The following BICRAL variants were observed in gnomAD, a reference collection of about 807,000 sequenced individuals.
BICRAL encodes BICRA like chromatin remodeling complex associated protein.
In BICRAL, 8 loss-of-function variants were observed where a neutral mutation model predicts 91.8. That is an observed-to-expected ratio of 0.09 (90% CI 0.05 to 0.16). The LOEUF (loss-of-function observed/expected upper bound fraction) is 0.16, where lower values mean the gene tolerates loss of function less well. Among genes scored for constraint, BICRAL ranks in the 10% least tolerant of loss-of-function variants. BICRAL has a pLI of 1.00. For missense variants in BICRAL, 1,038 were observed against 1,310.9 expected, an observed-to-expected ratio of 0.79 and a Z score of 3.21; for synonymous variants, 445 against 491.1, an observed-to-expected ratio of 0.91 and a Z score of 1.24.
Position 42,829,372 on chromosome 6 carries a change from G to T in BICRAL, c.1039G>T (p.Ala347Ser). The T allele has an allele frequency of 8.7e-6, 14 of 1,614,158 alleles. No homozygotes were observed. Among genetic ancestry groups the T allele is most frequent in the Non-Finnish European group, 1.2e-5 (14 of 1,180,014 alleles). The change falls in exon 6 of 13, where the codon GCA becomes TCA. Residue 347 changes from alanine (A) to serine (S), a missense_variant. By Grantham distance (99) the Ala-to-Ser change is moderately conservative. Around this residue, in one of 5 missense-constraint regions of BICRAL, gnomAD observed 532 missense variants for 724.9 expected, o/e 0.73. Transcript: ENST00000314073. ...ACAACAAGGGATCTCTTTTGCTTCT[G>T]CAAGCTCACCCCAGGGCTCAGTAGT... ...HVQQGISFAS[A>S]SSPQGSVVGP...
chr6:42,854,220 A>T (rs1581634249), intron 8 of BICRAL, among the ~76,000 whole-genome samples: 1 of 152,176 alleles, frequency 6.6e-6, no homozygotes, highest in East Asian at 1.9e-4. Context: ...TTTGTTTGAG[A>T]CAGGGTCTCA....
chr6:42,795,720 C>T (rs534582078), intron 1 of BICRAL, among the ~76,000 whole-genome samples: 1 of 152,228 alleles, frequency 6.6e-6, no homozygotes, highest in East Asian at 1.9e-4. Context: ...TTAAGATTAA[C>T]TTTTAAAATT....
intron 1 of BICRAL, among the ~76,000 whole-genome samples, chr6:42,751,471 T>G (rs969451402): frequency 1.3e-5 from 2 of 152,130 alleles, no homozygotes; most frequent in African/African-American, 4.8e-5. Context: ...ATCTCATGAT[T>G]GTAGTTACAT....
chr6:42,830,200 G>A (rs766092333), intron 6 of BICRAL, 28 bp downstream of exon 6: 6 of 1,606,090 alleles, frequency 3.7e-6, no homozygotes, highest in Non-Finnish European at 5.1e-6. Context: ...ATAAATATTT[G>A]GCTGATTATA....
chr6:42,864,674 A>C lies in BICRAL; in HGVS notation c.2468A>C (p.Asp823Ala). The change falls in exon 13 of 13, where the codon GAT becomes GCT. Residue 823 changes from aspartate (D) to alanine (A), a missense_variant. By Grantham distance (126) the Asp-to-Ala change is moderately radical. Around this residue, in one of 5 missense-constraint regions of BICRAL, gnomAD observed 294 missense variants for 292.6 expected, o/e 1.00. Coordinates refer to ENST00000314073, the MANE Select transcript of BICRAL (RefSeq NM_001393499.1). ...CCATTTCCAGAGGGTTTTCAGGCTG[A>C]TTTCTGTTGTTCCTTCAAACTTGAT... ...ALVDPEGFQA[D>A]FCCSFKLDKA... 1 of 1,613,468 alleles carries C rather than the reference A, an allele frequency of 6.2e-7. No homozygotes were observed. Among genetic ancestry groups the C allele is most frequent in the Non-Finnish European group, 8.5e-7 (1 of 1,179,624 alleles).
intron 1 of BICRAL, among the ~76,000 whole-genome samples, chr6:42,793,100 C>T (rs571923084): frequency 1.5e-3 from 200 of 133,936 alleles, no homozygotes; most frequent in East Asian, 2.3e-3. Flanking sequence ...GATTTACAAG[C>T]GCATGCCACC....
chr6:42,791,286 TTA>T (rs1763265998), intron 1 of BICRAL, among the ~76,000 whole-genome samples: 1 of 152,348 alleles, frequency 6.6e-6, no homozygotes, highest in African/African-American at 2.4e-5. Flanking sequence ...ATTTGTTTAC[TTA>T]TAAATTTATT....
rs1562490931 is a variant in BICRAL at position 42,845,195 on chromosome 6, G to GGTTTTTTTTTTTTTTTTTTTTTTTTT, written c.1840-6897_1840-6896insGTTTTTTTTTTTTTTTTTTTTTTTTT. 2.7e-4 allele frequency among the ~76,000 whole-genome samples: 7 copies of GGTTTTTTTTTTTTTTTTTTTTTTTTT among 25,570 alleles called. 2 individuals are homozygous for GGTTTTTTTTTTTTTTTTTTTTTTTTT. Among genetic ancestry groups the GGTTTTTTTTTTTTTTTTTTTTTTTTT allele is most frequent in the East Asian group, 2.4e-3 (2 of 828 alleles). The allele number at this position is 25,570 out of a possible 152,430, so 16.8% of individuals were successfully genotyped here. The stretch of plus-strand genomic sequence containing the variant: ...CTTCTCTGTTTTTTGTTTTTTGGGT[G>GGTTTTTTTTTTTTTTTTTTTTTTTTT]TTTTTTTTTTTTTTTTTTTTTTTTT... On this transcript the variant is annotated intron_variant, in intron 6 of 12. Transcript: ENST00000314073.
intron 11 of BICRAL, among the ~76,000 whole-genome samples, chr6:42,861,713 A>G (rs1765561300): frequency 6.6e-6 from 1 of 152,102 alleles, no homozygotes; most frequent in Admixed American, 6.6e-5. Flanking sequence ...AAATTATGCC[A>G]CCAGGCCAGG....
intron 1 of BICRAL, among the ~76,000 whole-genome samples, chr6:42,776,390 C>T (rs896991451): frequency 6.6e-6 from 1 of 151,776 alleles, no homozygotes; most frequent in African/African-American, 2.4e-5. Context: ...CTCTGTCGCC[C>T]AGGCTGGAGT....
rs900930302 is a variant in BICRAL at position 42,851,980 on chromosome 6, A to C, written c.1840-112A>C. Reference sequence around the variant, plus strand: ...ATTATTAAATTTTTGGTTTGTTTATAATCTAACCTGAAGGTACCAGGGAGG... The same window carrying C: ...ATTATTAAATTTTTGGTTTGTTTATCATCTAACCTGAAGGTACCAGGGAGG... On this transcript the variant is annotated intron_variant, in intron 6 of 12. Transcript: ENST00000314073. 8 of 651,256 alleles carry C rather than the reference A, an allele frequency of 1.2e-5. No homozygotes were observed. The African/African-American group carries it at 1.5e-4, about 12-fold the overall frequency. 40.3% of individuals were successfully genotyped at this position (651,256 alleles called of 1,614,324 possible).
chr6:42,771,219 G>C (rs1762719146), intron 1 of BICRAL, among the ~76,000 whole-genome samples: 1 of 152,234 alleles, frequency 6.6e-6, no homozygotes, highest in Admixed American at 6.5e-5. Flanking sequence ...GTTGCAGGCA[G>C]GTTTCCTGTC....
At chr6:42,775,551 C>A (rs1414386031) in intron 1 of BICRAL, among the ~76,000 whole-genome samples, 1 of 152,220 alleles carries the variant, frequency 6.6e-6, no homozygotes, top group Non-Finnish European at 1.5e-5. Context: ...TGCCTTCCAA[C>A]AGCATGTGGT....
At chr6:42,799,217 T>A (rs1763498383) in intron 1 of BICRAL, among the ~76,000 whole-genome samples, 1 of 151,842 alleles carries the variant, frequency 6.6e-6, no homozygotes, top group South Asian at 2.1e-4. Flanking sequence ...GAAATATTTT[T>A]ATATCACATT....
intron 1 of BICRAL, among the ~76,000 whole-genome samples, chr6:42,800,189 C>T (rs1562467778): frequency 6.6e-6 from 1 of 152,074 alleles, no homozygotes; most frequent in Non-Finnish European, 1.5e-5. Flanking sequence ...CTCATCCTTC[C>T]GAGTAGCTGG....
intron 11 of BICRAL, among the ~76,000 whole-genome samples, chr6:42,860,704 C>T (rs569916597): frequency 2.6e-4 from 40 of 152,354 alleles, no homozygotes; most frequent in African/African-American, 8.9e-4. Flanking sequence ...TGCCATCTAC[C>T]GCCTTTCACC....
chr6:42,752,389 A>G (rs1762394225), intron 1 of BICRAL, among the ~76,000 whole-genome samples: 1 of 152,234 alleles, frequency 6.6e-6, no homozygotes, highest in African/African-American at 2.4e-5. Context: ...AAAAACAGAC[A>G]TCGTCCCTGT....
chr6:42,763,502 T>G (rs1396277933), intron 1 of BICRAL, among the ~76,000 whole-genome samples: 1 of 152,230 alleles, frequency 6.6e-6, no homozygotes, highest in Non-Finnish European at 1.5e-5. Flanking sequence ...TGCTATGATG[T>G]GCCGCTTTTC....
At chr6:42,830,455 A>G (rs547207483) in intron 6 of BICRAL, among the ~76,000 whole-genome samples, 69 of 151,916 alleles carry the variant, frequency 4.5e-4, no homozygotes, top group Admixed American at 1.2e-3. Context: ...AGTCCCAGCT[A>G]CTCTGGAGGC....
Sources: allele counts gnomAD v4.1 joint callset (sites outside exome capture counted in the v4.1 genomes callset), GRCh38; gene constraint gnomAD v4.1.1; regional missense constraint gnomAD v4.1.1; transcripts MANE v1.5; gene names NCBI Gene and HGNC (gene_info 2026-07-23, HGNC 2026-07-21).